Variants in OCA2 observed in about 807,000 individuals in gnomAD.
OCA2 encodes P protein.
In OCA2, 77 loss-of-function variants were observed where a neutral mutation model predicts 100.2. The ratio of observed to expected loss-of-function variants is 0.77; its 90% confidence interval spans 0.64 to 0.93. OCA2 has a LOEUF of 0.93. OCA2 is among the 40% of genes least tolerant of loss of function. OCA2 has a pLI of 0.00. For missense variants in OCA2, 1,062 were observed against 1,089.1 expected, an observed-to-expected ratio of 0.98 and a Z score of 0.35; for synonymous variants, 432 against 439.2, an observed-to-expected ratio of 0.98 and a Z score of 0.21.
At chr15:27,798,811 G>A (rs1034726385) in intron 23 of OCA2, among the ~76,000 whole-genome samples, 2 of 152,194 alleles carry the variant, frequency 1.3e-5, no homozygotes, top group Non-Finnish European at 2.9e-5. Flanking sequence ...CTTTAGAAAT[G>A]TTCCGGGTTT....
Position 28,014,896 on chromosome 15 carries a change from C to T in OCA2, c.924G>A (p.Leu308=), listed in dbSNP as rs766493278. The T allele has an allele frequency of 2.5e-6, 4 of 1,614,182 alleles. No individual in the cohort carries two copies. Among genetic ancestry groups the T allele is most frequent in the Non-Finnish European group, 3.4e-6 (4 of 1,180,040 alleles). Residue 308 remains leucine (L), a synonymous_variant, in exon 9 of 24, where the codon CTG becomes CTA. Transcript: ENST00000354638. ...ETVSISIRAS[L]QQTQAVPLLM... is the part of the protein sequence containing the mutation. The stretch of plus-strand genomic sequence containing the variant: ...AAAGAGGGACAGCCTGGGTCTGCTG[C>T]AGGGAGGCCCGGATGCTGATGGACA...
At chr15:27,804,122 T>C (rs2033727044) in intron 23 of OCA2, among the ~76,000 whole-genome samples, 1 of 152,178 alleles carries the variant, frequency 6.6e-6, no homozygotes, top group South Asian at 2.1e-4. Context: ...AAAAAGAGAC[T>C]ATGGCAGAAT....
chr15:27,840,979 C>G (rs1015825579), intron 23 of OCA2, among the ~76,000 whole-genome samples: 5 of 152,180 alleles, frequency 3.3e-5, no homozygotes, highest in African/African-American at 1.2e-4. Flanking sequence ...TGTATAAGAA[C>G]CTGTTAAGTG....
At chr15:27,996,567 T>C (rs1022331039) in intron 9 of OCA2, among the ~76,000 whole-genome samples, 2 of 147,812 alleles carry the variant, frequency 1.4e-5, no homozygotes, top group Admixed American at 6.9e-5. Flanking sequence ...ATAAACAAAA[T>C]TGATGGAACT....
At chr15:27,849,869 G>A (rs1395580579) in intron 22 of OCA2, among the ~76,000 whole-genome samples, 1 of 152,026 alleles carries the variant, frequency 6.6e-6, no homozygotes, top group African/African-American at 2.4e-5. Flanking sequence ...TTGAGTCAAC[G>A]AGAAAGGGCC....
chr15:28,044,089 T>C (rs2043279339), intron 2 of OCA2, among the ~76,000 whole-genome samples: 1 of 152,218 alleles, frequency 6.6e-6, no homozygotes, highest in Non-Finnish European at 1.5e-5. Flanking sequence ...GACAGCTCTC[T>C]GAAAGACCAT....
chr15:27,830,232 C>A (rs1167044774), intron 23 of OCA2, among the ~76,000 whole-genome samples: 14 of 152,106 alleles, frequency 9.2e-5, no homozygotes, highest in Admixed American at 9.2e-4. Flanking sequence ...ACTCAAAACC[C>A]CACGAGGATT....
chr15:28,041,981 G>A (rs2043214714), intron 2 of OCA2, among the ~76,000 whole-genome samples: 1 of 152,206 alleles, frequency 6.6e-6, no homozygotes, highest in Non-Finnish European at 1.5e-5. Context: ...CACAATTCCA[G>A]AGAGAAGTCT....
chr15:27,917,807 C>T (rs1201778371), intron 19 of OCA2, among the ~76,000 whole-genome samples: 2 of 152,078 alleles, frequency 1.3e-5, no homozygotes, highest in African/African-American at 4.8e-5. Context: ...TCAAAAAGGA[C>T]GGTCAGAGTA....
intron 4 of OCA2, among the ~76,000 whole-genome samples, chr15:28,027,595 C>T (rs2042791940): frequency 6.6e-6 from 1 of 152,178 alleles, no homozygotes; most frequent in Admixed American, 6.5e-5. Flanking sequence ...ACCTAATGGC[C>T]ATGAAGACCC....
chr15:28,037,453 A>G (rs576938658), intron 2 of OCA2, among the ~76,000 whole-genome samples: 13 of 152,276 alleles, frequency 8.5e-5, no homozygotes, highest in African/African-American at 2.9e-4. Context: ...CTCCAGGGCA[A>G]GAGACAGGCC....
At chr15:27,854,004 G>C (rs1170243523) in intron 21 of OCA2, among the ~76,000 whole-genome samples, 3 of 152,238 alleles carry the variant, frequency 2.0e-5, no homozygotes, top group Non-Finnish European at 4.4e-5. Flanking sequence ...GCTTACTTGG[G>C]AAGATCCATT....
the OCA2 span, among the ~76,000 whole-genome samples, chr15:27,740,724 G>A: frequency 6.6e-6 from 1 of 152,150 alleles, no homozygotes; most frequent in Admixed American, 6.5e-5. Flanking sequence ...GATCCTGCCT[G>A]AAGAAGCAGT....
chr15:27,896,369 C>T, intron 19 of OCA2: 1 of 754,212 alleles, frequency 1.3e-6, no homozygotes, highest in Non-Finnish European at 2.4e-6. Flanking sequence ...TCGTTCAATA[C>T]AGGAAGAACA....
intron 23 of OCA2, among the ~76,000 whole-genome samples, chr15:27,821,247 T>G (rs1374694061): frequency 6.6e-6 from 1 of 152,120 alleles, no homozygotes; most frequent in Non-Finnish European, 1.5e-5. Context: ...CCACAGTGAG[T>G]AAGACTAATT....
rs112072772 is a variant in OCA2, at chr15:27,764,345, A to G, written c.2433-8873T>C. ...CAGGGTTACCATGAGCCAGCAAAGA[A>G]TAACACTCACACTGAAAGGCATTTT... On this transcript the variant is annotated intron_variant, in intron 23 of 23. Coordinates refer to ENST00000354638, the MANE Select transcript of OCA2 (RefSeq NM_000275.3). Among the ~76,000 whole-genome samples, 1,151 of 152,182 alleles carry G rather than the reference A, an allele frequency of 7.6e-3. 13 individuals are homozygous for G. Among genetic ancestry groups the G allele is most frequent in the African/African-American group, 0.027 (1,117 of 41,510 alleles).
chr15:27,994,565 G>A (rs1327386302), intron 9 of OCA2, among the ~76,000 whole-genome samples: 2 of 152,158 alleles, frequency 1.3e-5, no homozygotes, highest in African/African-American at 2.4e-5. Context: ...ACTCCTCTCT[G>A]GTCGAGCCGA....
At chr15:27,810,740 A>G (rs1466189679) in intron 23 of OCA2, among the ~76,000 whole-genome samples, 1 of 152,222 alleles carries the variant, frequency 6.6e-6, no homozygotes, top group Non-Finnish European at 1.5e-5. Context: ...TCCGAATAAG[A>G]TATACAAATG....
chr15:27,871,056 G>GA, intron 21 of OCA2, 98 bp downstream of exon 21: 7 of 896,824 alleles, frequency 7.8e-6, no homozygotes, highest in Non-Finnish European at 1.3e-5. Flanking sequence ...TGCAGCAGAG[G>GA]GGCAGGCTTC....
Sources: allele counts gnomAD v4.1 joint callset (sites outside exome capture counted in the v4.1 genomes callset), GRCh38; gene constraint gnomAD v4.1.1; transcripts MANE v1.5; gene names NCBI Gene and HGNC (gene_info 2026-07-23, HGNC 2026-07-21).